ANTXRL: variants seen among roughly 807,000 people sequenced by gnomAD.
The protein encoded by ANTXRL is anthrax toxin receptor-like.
ANTXRL carries 63 observed loss-of-function variants against 75.4 expected under a neutral mutation model. The ratio of observed to expected loss-of-function variants is 0.84; its 90% CI spans 0.68 to 1.03. The LOEUF is 1.03. Among genes scored for constraint, ANTXRL ranks in the 50% least tolerant of loss-of-function variants. The probability of loss-of-function intolerance (pLI) is 0.00; values close to 1 mark genes in which losing one functional copy is unlikely to be tolerated. For missense variants in ANTXRL, 797 were observed against 789.4 expected (o/e 1.01, Z -0.12); for synonymous variants, 335 against 291.3 (o/e 1.15, Z -1.53).
Position 46,329,834 on chromosome 10 carries a change from C to T in ANTXRL, c.1646C>T (p.Ala549Val). The change falls in exon 17 of 17, where the codon GCT (alanine) becomes GTT (valine). Residue 549 changes from alanine to valine, a missense_variant. Coordinates refer to ENST00000620264, the MANE Select transcript of ANTXRL (RefSeq NM_001278688.3). ...AGGGAGTGCCTTGCCCGCAAACAGG[C>T]TCCCTGCAGCCCAAGGATCTGCCTG... Reference protein sequence around the residue: ...HSRECLARKQAPCSPRICLRH... With the variant: ...HSRECLARKQVPCSPRICLRH... 6.5e-7 allele frequency: 1 copy of T among 1,535,140 alleles called. No individual in the cohort carries two copies. Among genetic ancestry groups the T allele is most frequent in the Non-Finnish European group, 8.7e-7 (1 of 1,146,272 alleles).
intron 1 of ANTXRL, among the ~76,000 whole-genome samples, chr10:46,288,019 T>G (rs1322774679): frequency 6.6e-6 from 1 of 152,100 alleles, no homozygotes; most frequent in Non-Finnish European, 1.5e-5. Flanking sequence ...CTTCTGCAAC[T>G]TGGAGAGCCA....
rs1837206722 is a variant in ANTXRL at position 46,293,871 on chromosome 10, C to G, written c.363C>G (p.Gly121=). ...GCTTCATCACCTACTCCACAGACGG[C>G]CAGACTGTCTTGCCACTCACCTCAG... The part of the protein sequence containing the change: ...RMCFITYSTD[G]QTVLPLTSDK... The change falls in exon 3 of 17, where the codon GGC becomes GGG. Residue 121 remains glycine, a synonymous_variant. Transcript: ENST00000620264. 1 of 1,535,734 alleles carries G rather than the reference C, an allele frequency of 6.5e-7. No homozygotes were observed. The highest frequency in any genetic ancestry group is 1.4e-5 in the African/African-American group (1 of 73,108).
chr10:46,320,851 A>G (rs1472754598), intron 16 of ANTXRL, among the ~76,000 whole-genome samples: 1 of 152,188 alleles, frequency 6.6e-6, no homozygotes, highest in Non-Finnish European at 1.5e-5. Flanking sequence ...ACCCTACTGA[A>G]TTTAATCTGG....
chr10:46,308,366 C>A, intron 12 of ANTXRL: 1 of 418,742 alleles, frequency 2.4e-6, no homozygotes, highest in South Asian at 1.7e-5. Flanking sequence ...TCCTCTCCTT[C>A]AGCCAGCCGG....
intron 16 of ANTXRL, among the ~76,000 whole-genome samples, chr10:46,326,550 T>C (rs1181301452): frequency 6.6e-6 from 1 of 151,872 alleles, no homozygotes; most frequent in African/African-American, 2.4e-5. Context: ...GGAAAAAAGG[T>C]TGGGGGCTGA....
At chr10:46,292,030 C>T (rs1554956621) in intron 1 of ANTXRL, 28 bp from the exon 2 acceptor site, 18 of 1,533,774 alleles carry the variant, frequency 1.2e-5, no homozygotes, top group Non-Finnish European at 1.4e-5. Flanking sequence ...GCACTCATCT[C>T]CCTGACCCAC....
intron 16 of ANTXRL, among the ~76,000 whole-genome samples, chr10:46,326,069 GTCTT>G (rs1241225820): frequency 1.3e-5 from 2 of 150,878 alleles, no homozygotes; most frequent in African/African-American, 4.9e-5. Flanking sequence ...TGATCAGAAG[GTCTT>G]TCTTTGTAAG....
intron 2 of ANTXRL, chr10:46,293,216 CTGTGTG>C (rs369165090): frequency 2.6e-4 from 38 of 147,350 alleles, no homozygotes; most frequent in Non-Finnish European, 4.3e-4. Context: ...ATGTGTGTGA[CTGTGTG>C]TGTGTGTGAG....
rs782653476 is a variant in ANTXRL, at chr10:46,306,825, CAAT to C, written c.922_924del (p.Asn308del). 3.3e-6 allele frequency: 5 copies of C among 1,529,068 alleles called. No individual in the cohort carries two copies. In the South Asian group the frequency reaches 6.0e-5, roughly 18 times the overall value. 94.7% of individuals were successfully genotyped at this position (1,529,068 alleles called of 1,614,324 possible). A position where few individuals can be genotyped will look rare whatever the true frequency, so the allele number is the denominator to read the frequency against. On this transcript the variant is annotated inframe_deletion, in exon 11 of 17. Transcript: ENST00000620264. The stretch of plus-strand genomic sequence containing the variant: ...TAGATGAAAAGCCAACCAGTATCGA[CAAT>C]AATTCCATGAATTGCCCTGGGCCAA...
chr10:46,293,961 G>A, intron 3 of ANTXRL, 61 bp downstream of exon 3: 1 of 1,465,208 alleles, frequency 6.8e-7, no homozygotes, highest in Non-Finnish European at 9.2e-7. Flanking sequence ...GGAGCTCCAG[G>A]GAGCTGAAGG....
chr10:46,309,292 G>A (rs1234631720), intron 13 of ANTXRL, 90 bp downstream of exon 13: 112 of 1,523,588 alleles, frequency 7.4e-5, no homozygotes, highest in Non-Finnish European at 9.1e-5. Flanking sequence ...CCGTGATCCC[G>A]CCTGTGGGAA....
At chr10:46,322,793 T>C (rs1278134435) in intron 16 of ANTXRL, among the ~76,000 whole-genome samples, 1 of 152,216 alleles carries the variant, frequency 6.6e-6, no homozygotes, top group African/African-American at 2.4e-5. Context: ...CAGTGTTTAC[T>C]GAGTAGGTCA....
intron 16 of ANTXRL, among the ~76,000 whole-genome samples, chr10:46,328,998 A>G (rs2132948564): frequency 6.6e-6 from 1 of 152,296 alleles, no homozygotes; most frequent in Middle Eastern, 3.4e-3. Context: ...AGAGAAAGGC[A>G]TCACAGATGA....
In ANTXRL at chr10:46,309,342, G is replaced by A. The variant is rs1838287758; in HGVS notation, c.1134+140G>A. 8.2e-6 allele frequency: 12 copies of A among 1,457,556 alleles called. No homozygotes were observed. In the African/African-American group the frequency reaches 9.8e-5, roughly 12 times the overall value. 90.3% of individuals were successfully genotyped at this position (1,457,556 alleles called of 1,614,324 possible). Reference sequence around the variant, plus strand: ...CCAGCTCATCACGTGAGCCCAGGGAGTCGCAGACCTGTCCACACGTTCCCA... The same window carrying A: ...CCAGCTCATCACGTGAGCCCAGGGAATCGCAGACCTGTCCACACGTTCCCA... On this transcript the variant is annotated intron_variant, in intron 13 of 16. Transcript: ENST00000620264.
At chr10:46,316,278 G>T (rs1398531659) in intron 16 of ANTXRL, among the ~76,000 whole-genome samples, 4 of 152,012 alleles carry the variant, frequency 2.6e-5, no homozygotes, top group Non-Finnish European at 5.9e-5. Flanking sequence ...CACCCAGGAA[G>T]GCTCATAGCT....
intron 1 of ANTXRL, among the ~76,000 whole-genome samples, chr10:46,290,307 G>A (rs78414161): frequency 0.036 from 5,503 of 152,116 alleles, 201 homozygotes; most frequent in East Asian, 0.12. Flanking sequence ...CTTCCAAAGC[G>A]CTGGGATTCC....
rs1554955567 is a variant in ANTXRL at position 46,287,511 on chromosome 10, G to A, written c.248+1G>A. The A allele has an allele frequency of 2.6e-6, 4 of 1,534,684 alleles. No individual in the cohort carries two copies. On this transcript the variant is annotated splice_donor_variant, in intron 1 of 16. Transcript: ENST00000620264. LOFTEE classifies it high-confidence loss of function. ...TTGACCTCTACTTCATCTTGGACAA[G>A]TGAGTGTCCCTTCTAGCTCTGGCCC...
Position 46,292,095 on chromosome 10 carries a change from A to C in ANTXRL, c.286A>C (p.Met96Leu), listed in dbSNP as rs1339447153. 5.9e-6 allele frequency: 9 copies of C among 1,536,170 alleles called. No individual in the cohort carries two copies. The highest frequency in any genetic ancestry group is 1.4e-5 in the African/African-American group (1 of 72,998). Reference protein sequence around the residue: ...SVNNNWIDLYMWVEETVARFQ... With the variant: ...SVNNNWIDLYLWVEETVARFQ... ...GAACAATAACTGGATTGACCTTTAT[A>C]TGTGGGTGGAGGAAACAGTGGCGAG... The change falls in exon 2 of 17, where the codon ATG (methionine) becomes CTG (leucine). Residue 96 changes from methionine (M) to leucine (L), a missense_variant. Physicochemically the swap from Met to Leu is conservative, Grantham distance 15. Transcript: ENST00000620264.
intron 16 of ANTXRL, among the ~76,000 whole-genome samples, chr10:46,315,883 A>T (rs1838699293): frequency 6.6e-6 from 1 of 152,128 alleles, no homozygotes; most frequent in Non-Finnish European, 1.5e-5. Flanking sequence ...GTTTAATTTC[A>T]ATTTTTGTTT....
Sources: allele counts gnomAD v4.1 joint callset (sites outside exome capture counted in the v4.1 genomes callset), GRCh38; gene constraint gnomAD v4.1.1; transcripts MANE v1.5; gene names NCBI Gene and HGNC (gene_info 2026-07-23, HGNC 2026-07-21).